SCAI: variants seen among roughly 807,000 people sequenced by gnomAD.
The protein encoded by SCAI is suppressor of cancer cell invasion.
A neutral mutation model predicts 92.2 loss-of-function variants in SCAI; 24 were observed. The ratio of observed to expected loss-of-function variants is 0.26; its 90% CI spans 0.19 to 0.37. SCAI has a LOEUF of 0.37. SCAI is among the 10% of genes least tolerant of loss of function. The pLI is 1.00. For missense variants in SCAI, 450 were observed against 736.2 expected (o/e 0.61, Z 4.50); for synonymous variants, 261 against 258.6 (o/e 1.01, Z -0.09).
intron 2 of SCAI, among the ~76,000 whole-genome samples, chr9:125,132,584 A>G (rs550612961): frequency 6.6e-6 from 1 of 152,190 alleles, no homozygotes; most frequent in Non-Finnish European, 1.5e-5. Flanking sequence ...AAGACAGTTC[A>G]TTGAAGCACC....
At chr9:125,044,220 A>C (rs1833390261) in intron 3 of SCAI, among the ~76,000 whole-genome samples, 1 of 152,104 alleles carries the variant, frequency 6.6e-6, no homozygotes, top group Non-Finnish European at 1.5e-5. Flanking sequence ...TAAGGCTGCC[A>C]GTTCTGGTTG....
chr9:125,018,300 T>C (rs1832803423), intron 9 of SCAI, among the ~76,000 whole-genome samples: 1 of 152,126 alleles, frequency 6.6e-6, no homozygotes, highest in Non-Finnish European at 1.5e-5. Flanking sequence ...TTCGTCATGT[T>C]GGCCAGGCTG....
At chr9:125,005,591 A>G (rs1169994055) in intron 9 of SCAI, among the ~76,000 whole-genome samples, 3 of 152,126 alleles carry the variant, frequency 2.0e-5, no homozygotes, top group African/African-American at 7.2e-5. Flanking sequence ...TCGGCCTCCC[A>G]AAGTGCTGGG....
chr9:125,106,336 G>C (rs1388852250), intron 2 of SCAI, among the ~76,000 whole-genome samples: 1 of 148,542 alleles, frequency 6.7e-6, no homozygotes, highest in Non-Finnish European at 1.5e-5. Flanking sequence ...AAATTTTTTA[G>C]CATCATAAGC....
At chr9:125,053,531 T>C (rs1372475358) in intron 3 of SCAI, among the ~76,000 whole-genome samples, 1 of 152,158 alleles carries the variant, frequency 6.6e-6, no homozygotes, top group Non-Finnish European at 1.5e-5. Context: ...AAAAACATTA[T>C]GTTAACAAAA....
intron 2 of SCAI, among the ~76,000 whole-genome samples, chr9:125,107,911 C>G (rs1834835762): frequency 6.6e-6 from 1 of 152,236 alleles, no homozygotes; most frequent in Admixed American, 6.5e-5. Flanking sequence ...GCTGCCGTCT[C>G]CACTCACTGC....
rs938410692 is a variant in SCAI at position 124,950,183 on chromosome 9, G to T, written c.*2624C>A. On this transcript the variant is annotated 3_prime_UTR_variant, in exon 18 of 18. Transcript: ENST00000336505. ...AATATGACTTACAAAAGAAAAGGTT[G>T]TGTACACTACAAACAGGGTAAATAG... The T allele has an allele frequency of 1.3e-5, 2 of 152,080 alleles. No homozygotes were observed. The highest frequency in any genetic ancestry group is 2.9e-5 in the Non-Finnish European group (2 of 68,016). The allele number at this position is 152,080 out of a possible 1,614,324, so 9.4% of individuals were successfully genotyped here.
In SCAI at chr9:124,943,635, C is replaced by T. The variant is rs532732083; in HGVS notation, c.*9172G>A. On this transcript the variant is annotated 3_prime_UTR_variant, in exon 18 of 18. Transcript: ENST00000336505. Reference sequence around the variant, plus strand: ...TAGAAAATCGAGTAATTATATCCTCCAAATGAATTACTTCTATGATTTAAA... The same window carrying T: ...TAGAAAATCGAGTAATTATATCCTCTAAATGAATTACTTCTATGATTTAAA... 2 of 152,228 alleles carry T rather than the reference C, an allele frequency of 1.3e-5. No homozygotes were observed. Among genetic ancestry groups the T allele is most frequent in the South Asian group, 2.1e-4 (1 of 4,828 alleles). 9.4% of individuals were successfully genotyped at this position (152,228 alleles called of 1,614,324 possible).
chr9:124,947,666 C>A lies in SCAI; in HGVS notation c.*5141G>T, dbSNP rs781739207. The A allele has an allele frequency of 2.0e-5, 3 of 152,040 alleles. No individual in the cohort carries two copies. Among genetic ancestry groups the A allele is most frequent in the Non-Finnish European group, 4.4e-5 (3 of 67,998 alleles). The allele number at this position is 152,040 out of a possible 1,614,324, so 9.4% of individuals were successfully genotyped here. ...TATACATATATACAAAAAGTATACA[C>A]AGAGATTGCATGTAGCATCACAAAA... On this transcript the variant is annotated 3_prime_UTR_variant, in exon 18 of 18. Coordinates refer to ENST00000336505, the MANE Select transcript of SCAI (RefSeq NM_001144877.3).
At position 125,003,585 on chromosome 9, in the gene SCAI, AAAAC is replaced by A. The variant is rs767930224; in HGVS notation, c.862-19_862-16del. 4.6e-6 allele frequency: 7 copies of A among 1,537,864 alleles called. No individual in the cohort carries two copies. Among genetic ancestry groups the A allele is most frequent in the Non-Finnish European group, 6.3e-6 (7 of 1,116,154 alleles). On this transcript the variant is annotated splice_polypyrimidine_tract_variant and intron_variant, in intron 9 of 17. Coordinates refer to ENST00000336505, the MANE Select transcript of SCAI (RefSeq NM_001144877.3). The stretch of plus-strand genomic sequence containing the variant: ...CTGAACTTAACCTGCAAGAAAAAAA[AAAAC>A]AAACACAACCTAGCCTTAATGCAAC...
chr9:125,089,827 C>A (rs192209492), intron 2 of SCAI, among the ~76,000 whole-genome samples: 4 of 152,154 alleles, frequency 2.6e-5, no homozygotes, highest in African/African-American at 9.6e-5. Flanking sequence ...ATGGCAGTCT[C>A]TGAGTAGCTA....
At chr9:124,958,502 G>A (rs529460000) in intron 17 of SCAI, among the ~76,000 whole-genome samples, 2 of 152,234 alleles carry the variant, frequency 1.3e-5, no homozygotes, top group African/African-American at 4.8e-5. Context: ...TAGGACAACT[G>A]CATATGCATA....
chr9:125,038,252 A>C (rs888362965), intron 3 of SCAI, among the ~76,000 whole-genome samples: 40 of 152,226 alleles, frequency 2.6e-4, no homozygotes, highest in African/African-American at 9.6e-4. Context: ...CAAAAAAAGA[A>C]AAGAAATAAT....
At chr9:125,111,830 C>T (rs71495545) in intron 2 of SCAI, among the ~76,000 whole-genome samples, 231 of 152,112 alleles carry the variant, frequency 1.5e-3, no homozygotes, top group Non-Finnish European at 2.8e-3. Flanking sequence ...GGCAGAGGCC[C>T]TGAGTTAAAA....
chr9:124,976,245 G>C, intron 14 of SCAI, 59 bp from the exon 15 acceptor site: 2 of 1,216,502 alleles, frequency 1.6e-6, no homozygotes, highest in South Asian at 1.2e-5. Context: ...TAGTTACTTA[G>C]TAATTTTCCA....
chr9:125,037,864 C>T (rs982899875), intron 3 of SCAI, among the ~76,000 whole-genome samples: 5 of 151,804 alleles, frequency 3.3e-5, no homozygotes, highest in Non-Finnish European at 7.4e-5. Context: ...TGCAGTGAGC[C>T]GAGATTGTGC....
intron 2 of SCAI, among the ~76,000 whole-genome samples, chr9:125,129,001 T>C (rs1835341124): frequency 6.6e-6 from 1 of 151,780 alleles, no homozygotes; most frequent in Non-Finnish European, 1.5e-5. Flanking sequence ...AGGCGGAGAC[T>C]TCAGTGCACC....
intron 9 of SCAI, among the ~76,000 whole-genome samples, chr9:125,007,656 G>GA (rs955865168): frequency 3.8e-4 from 55 of 145,374 alleles, no homozygotes; most frequent in South Asian, 2.5e-3. Context: ...TCTCTAAAAA[G>GA]AAAAAAAAAA....
intron 2 of SCAI, among the ~76,000 whole-genome samples, chr9:125,114,496 T>C (rs1018968891): frequency 4.6e-5 from 7 of 152,218 alleles, no homozygotes; most frequent in Non-Finnish European, 8.8e-5. Context: ...AAGTACCTGA[T>C]GGGAGCATAA....
Sources: allele counts gnomAD v4.1 joint callset (sites outside exome capture counted in the v4.1 genomes callset), GRCh38; gene constraint gnomAD v4.1.1; transcripts MANE v1.5; gene names NCBI Gene and HGNC (gene_info 2026-07-23, HGNC 2026-07-21).